The following ATP13A4 variants were observed in gnomAD, a reference collection of about 807,000 sequenced individuals.
ATP13A4 encodes probable cation-transporting ATPase 13A4.
A neutral mutation model predicts 142.5 loss-of-function variants in ATP13A4; 114 were observed. The ratio of observed to expected loss-of-function variants is 0.80; its 90% CI spans 0.69 to 0.93. The LOEUF (loss-of-function observed/expected upper bound fraction) is 0.93. Ranked by LOEUF, ATP13A4 falls within the 40% of genes least tolerant of loss-of-function variation. The pLI is 0.00. For missense variants in ATP13A4, 1,392 were observed against 1,454.0 expected (o/e 0.96, Z 0.69); for synonymous variants, 488 against 514.8 (o/e 0.95, Z 0.70).
chr3:193,441,620 T>G, intron 19 of ATP13A4, 32 bp from the exon 20 acceptor site: 2 of 1,609,626 alleles, frequency 1.2e-6, no homozygotes, highest in Non-Finnish European at 1.7e-6. Context: ...TTTTAGACTC[T>G]TTCATTTGAC....
chr3:193,468,013 T>C (rs755307734), intron 9 of ATP13A4, among the ~76,000 whole-genome samples: 1 of 152,052 alleles, frequency 6.6e-6, no homozygotes, highest in Non-Finnish European at 1.5e-5. Context: ...ACCCCAGTTT[T>C]GTAAAAATAC....
chr3:193,408,814 A>AC (rs1714631290), intron 28 of ATP13A4, among the ~76,000 whole-genome samples: 2 of 152,260 alleles, frequency 1.3e-5, no homozygotes, highest in Admixed American at 6.5e-5. Context: ...TAGAGGATAA[A>AC]CCCACATCAC....
At chr3:193,453,531 A>T (rs1397455532) in intron 17 of ATP13A4, among the ~76,000 whole-genome samples, 1 of 152,184 alleles carries the variant, frequency 6.6e-6, no homozygotes, top group African/African-American at 2.4e-5. Flanking sequence ...ACGCATCTCT[A>T]TTTTAATCCT....
chr3:193,454,979 T>C (rs1450126200), intron 16 of ATP13A4, among the ~76,000 whole-genome samples: 1 of 152,064 alleles, frequency 6.6e-6, no homozygotes, highest in Non-Finnish European at 1.5e-5. Context: ...AAAGGTCTAA[T>C]ATCCAGCATC....
At chr3:193,512,881 C>T (rs1208338562) in intron 2 of ATP13A4, among the ~76,000 whole-genome samples, 4 of 152,140 alleles carry the variant, frequency 2.6e-5, no homozygotes, top group Admixed American at 1.3e-4. Flanking sequence ...TGTGGGGTGC[C>T]GGGCACTTTT....
At chr3:193,585,443 A>G (rs55844714) in intron 1 of ATP13A4, among the ~76,000 whole-genome samples, 3 of 151,826 alleles carry the variant, frequency 2.0e-5, no homozygotes, top group African/African-American at 7.3e-5. Flanking sequence ...CAACAACAAC[A>G]ACAACAACAA....
chr3:193,528,658 A>G (rs981073618), intron 1 of ATP13A4, among the ~76,000 whole-genome samples: 10 of 152,344 alleles, frequency 6.6e-5, no homozygotes, highest in African/African-American at 2.4e-4. Context: ...CAAGACAATT[A>G]CAATGTTATC....
chr3:193,427,495 A>C (rs969145187), intron 25 of ATP13A4, among the ~76,000 whole-genome samples: 1 of 152,128 alleles, frequency 6.6e-6, no homozygotes, highest in African/African-American at 2.4e-5. Context: ...CATTGCCAAG[A>C]CAATCTTAAG....
intron 2 of ATP13A4, among the ~76,000 whole-genome samples, chr3:193,502,863 CAT>C (rs1560237742): frequency 6.6e-6 from 1 of 152,162 alleles, no homozygotes; most frequent in African/African-American, 2.4e-5. Flanking sequence ...GGCACTGACA[CAT>C]AACAAAGCTT....
chr3:193,548,745 T>C (rs1046622994), intron 1 of ATP13A4, among the ~76,000 whole-genome samples: 2 of 152,144 alleles, frequency 1.3e-5, no homozygotes, highest in Non-Finnish European at 2.9e-5. Context: ...TGTTCCTAGC[T>C]CCTGCTGAAG....
chr3:193,474,720 G>GAA lies in ATP13A4; in HGVS notation c.809-3728_809-3727insTT, dbSNP rs1481067529. Among the ~76,000 whole-genome samples, 95 of 145,350 alleles carry GAA rather than the reference G, an allele frequency of 6.5e-4. 1 individual carries two copies. The highest frequency in any genetic ancestry group is 2.4e-3 in the African/African-American group (94 of 38,974). Reference sequence around the variant, plus strand: ...AAAAAAGGAAGGAAGGAAAGAGAGAGAGAAAGAAAGAGAAAGAAAGAAAGA... The same window carrying GAA: ...AAAAAAGGAAGGAAGGAAAGAGAGAGAAAGAAAGAAAGAGAAAGAAAGAAAGA... On this transcript the variant is annotated intron_variant, in intron 8 of 29. Coordinates refer to ENST00000342695, the MANE Select transcript of ATP13A4 (RefSeq NM_032279.4).
chr3:193,453,648 G>A (rs1446696245), intron 17 of ATP13A4, among the ~76,000 whole-genome samples: 2 of 151,866 alleles, frequency 1.3e-5, no homozygotes, highest in Non-Finnish European at 2.9e-5. Flanking sequence ...CATCTAAGCT[G>A]TATTTATTTG....
chr3:193,574,581 T>TGGC (rs386398931), intron 2 of ATP13A4, among the ~76,000 whole-genome samples: 1 of 151,752 alleles, frequency 6.6e-6, no homozygotes, highest in Non-Finnish European at 1.5e-5. Flanking sequence ...CAGGTGGGTG[T>TGGC]GGCATGCACC....
intron 2 of ATP13A4, chr3:193,579,230 T>C: frequency 6.2e-6 from 1 of 161,632 alleles, no homozygotes; most frequent in Non-Finnish European, 1.4e-5. Flanking sequence ...AGCATTCAGT[T>C]TATCCAATAC....
chr3:193,573,293 A>ATATATATATGTG lies in ATP13A4; in HGVS notation n.291+8413_291+8414insCACATATATATA, dbSNP rs1560287302. 1.5e-3 allele frequency among the ~76,000 whole-genome samples: 82 copies of ATATATATATGTG among 54,124 alleles called. 5 individuals carry two copies. Among genetic ancestry groups the ATATATATATGTG allele is most frequent in the African/African-American group, 8.9e-3 (79 of 8,892 alleles). 35.5% of individuals were successfully genotyped at this position (54,124 alleles called of 152,430 possible). A position where few individuals can be genotyped will look rare whatever the true frequency, so the allele number is the denominator to read the frequency against. On this transcript the variant is annotated intron_variant and non_coding_transcript_variant, in intron 2 of 3. Transcript: ENST00000489140. ...TATATATACATATATATATATACACATATATATATATATACATATATATAT... is the reference window on the plus strand; with the variant it reads ...TATATATACATATATATATATACACATATATATATGTGTATATATATATATACATATATATAT...
intron 6 of ATP13A4, among the ~76,000 whole-genome samples, chr3:193,490,969 C>T (rs1181911707): frequency 6.6e-6 from 1 of 151,814 alleles, no homozygotes; most frequent in Non-Finnish European, 1.5e-5. Context: ...TTTTAGGCAC[C>T]AAGGAAATTG....
intron 26 of ATP13A4, 139 bp from the exon 27 acceptor site, chr3:193,412,510 C>G: frequency 2.1e-5 from 2 of 94,604 alleles, no homozygotes; most frequent in Non-Finnish European, 3.6e-5. Context: ...TTGGAAAACA[C>G]ACACACACAC....
chr3:193,420,162 C>T (rs527498174), intron 25 of ATP13A4, among the ~76,000 whole-genome samples: 2 of 149,866 alleles, frequency 1.3e-5, no homozygotes, highest in Non-Finnish European at 2.9e-5. Context: ...TAACCCAGCA[C>T]TACTGCAGCT....
chr3:193,545,823 A>C (rs1723188351), intron 1 of ATP13A4, among the ~76,000 whole-genome samples: 1 of 152,110 alleles, frequency 6.6e-6, no homozygotes, highest in African/African-American at 2.4e-5. Context: ...AACTGCCATA[A>C]ATTTCCAGTT....
Sources: allele counts gnomAD v4.1 joint callset (sites outside exome capture counted in the v4.1 genomes callset), GRCh38; gene constraint gnomAD v4.1.1; transcripts MANE v1.5; gene names NCBI Gene and HGNC (gene_info 2026-07-23, HGNC 2026-07-21).